The following CDH5 variants were observed in gnomAD, a reference collection of about 807,000 sequenced individuals.
The protein encoded by CDH5 is cadherin 5.
Under a neutral mutation model 62.0 loss-of-function variants are expected in CDH5, and 28 were observed. The observed-to-expected ratio is 0.45, with a 90% CI of 0.33 to 0.62. The LOEUF is 0.62. CDH5 is among the 20% of genes least tolerant of loss of function. The probability of loss-of-function intolerance (pLI) is 0.02; values close to 1 mark genes in which losing one functional copy is unlikely to be tolerated. For synonymous variants in CDH5, 464 were observed against 445.8 expected (o/e 1.04, Z -0.52); for missense variants, 940 against 1,065.1 (o/e 0.88, Z 1.63).
intron 2 of CDH5, among the ~76,000 whole-genome samples, chr16:66,384,661 CA>C (rs10630303): frequency 8.1e-4 from 82 of 101,598 alleles, no homozygotes; most frequent in African/African-American, 1.6e-3. Flanking sequence ...GTACCTGTCT[CA>C]AAAAAAAAAA....
rs1960849262 is a variant in CDH5 at position 66,379,561 on chromosome 16, C to A, written c.210+14C>A. On this transcript the variant is annotated intron_variant, in intron 2 of 11. Transcript: ENST00000341529. ...CATGTAGGCAAGGTAAGGCTCAAGC[C>A]CCAGGACAGGAGAAGCCATCAGCAG... 1 of 1,612,406 alleles carries A rather than the reference C, an allele frequency of 6.2e-7. No individual in the cohort carries two copies. The highest frequency in any genetic ancestry group is 1.1e-5 in the South Asian group (1 of 91,002).
intron 2 of CDH5, among the ~76,000 whole-genome samples, chr16:66,382,673 C>T (rs1960918078): frequency 6.6e-6 from 1 of 152,182 alleles, no homozygotes; most frequent in South Asian, 2.1e-4. Context: ...CATTTGCCAA[C>T]AGCATTCACT....
intron 2 of CDH5, among the ~76,000 whole-genome samples, chr16:66,382,060 G>T (rs1397735206): frequency 6.6e-6 from 1 of 152,248 alleles, no homozygotes; most frequent in African/African-American, 2.4e-5. Flanking sequence ...CATGGCACCA[G>T]AAATGCCCCA....
intron 2 of CDH5, among the ~76,000 whole-genome samples, chr16:66,384,648 G>A (rs1036610238): frequency 7.4e-5 from 10 of 135,832 alleles, no homozygotes; most frequent in Admixed American, 1.6e-4. Context: ...CAGCTACTCC[G>A]GAGTACCTGT....
chr16:66,389,768 T>C (rs1299353900), intron 5 of CDH5, among the ~76,000 whole-genome samples: 1 of 152,152 alleles, frequency 6.6e-6, no homozygotes, highest in African/African-American at 2.4e-5. Flanking sequence ...TCCCACTCCC[T>C]GCTGGGTGCC....
chr16:66,401,165 A>G (rs934439723), intron 11 of CDH5, 149 bp downstream of exon 11: 27 of 1,038,540 alleles, frequency 2.6e-5, no homozygotes, highest in Non-Finnish European at 3.2e-5. Context: ...TAGCCAGTTC[A>G]TGTGCAGGAT....
intron 2 of CDH5, among the ~76,000 whole-genome samples, chr16:66,384,962 AAAAC>A (rs4036983): frequency 6.6e-6 from 1 of 151,688 alleles, no homozygotes; most frequent in East Asian, 2.0e-4. Flanking sequence ...CTAAACTCAA[AAAAC>A]AAACAAACAA....
chr16:66,393,852 G>A (rs1402139282), intron 7 of CDH5, among the ~76,000 whole-genome samples: 1 of 152,104 alleles, frequency 6.6e-6, no homozygotes, highest in Non-Finnish European at 1.5e-5. Flanking sequence ...TGTTTCAAGG[G>A]TATTAAGTCT....
In CDH5 at chr16:66,399,003, GTCAGC is replaced by G. The variant is rs766380489; in HGVS notation, c.1591+447_1591+451del. ...CAGAACAGATGTGAGGATGCAGGCAGTCAGCTCAGTTCAAGAACTAGCCAAGGAGT... is the reference window on the plus strand; with the variant it reads ...CAGAACAGATGTGAGGATGCAGGCAGTCAGTTCAAGAACTAGCCAAGGAGT... On this transcript the variant is annotated intron_variant, in intron 10 of 11. Coordinates refer to ENST00000341529, the MANE Select transcript of CDH5 (RefSeq NM_001795.5). Among the ~76,000 whole-genome samples the G allele has an allele frequency of 5.9e-5, 9 of 152,310 alleles. No individual in the cohort carries two copies. The East Asian group carries it at 7.7e-4, about 13-fold the overall frequency.
rs761573733 is a variant in CDH5 at position 66,386,937 on chromosome 16, C to T, written c.339C>T (p.Ile113=). ...FAIERLDREN[I]SEYHLTAVIV... ...TTGAGAGGCTGGACCGGGAGAATAT[C>T]TCAGAGTACCACCTCACTGCTGTCA... The change falls in exon 3 of 12, where the codon ATC becomes ATT. Residue 113 remains isoleucine (I), a synonymous_variant. Coordinates refer to ENST00000341529, the MANE Select transcript of CDH5 (RefSeq NM_001795.5). 6 of 1,614,244 alleles carry T rather than the reference C, an allele frequency of 3.7e-6. No homozygotes were observed. The highest frequency in any genetic ancestry group is 5.1e-6 in the Non-Finnish European group (6 of 1,180,058).
chr16:66,379,038 A>G (rs555503442), intron 1 of CDH5, among the ~76,000 whole-genome samples: 1 of 152,352 alleles, frequency 6.6e-6, no homozygotes, highest in East Asian at 1.9e-4. Context: ...AGCAGAAGGC[A>G]GCTGTTCTAC....
intron 6 of CDH5, 73 bp downstream of exon 6, chr16:66,390,663 A>G: frequency 7.0e-7 from 1 of 1,422,880 alleles, no homozygotes; most frequent in African/African-American, 1.4e-5. Context: ...CTGCTTGGGG[A>G]TTGCTCCTGG....
At position 66,403,366 on chromosome 16, in the gene CDH5, G is replaced by A; in HGVS notation, c.*197G>A. ...ATATCCAGGAATATATGTCAGTGAT[G>A]ACTATTCTCAAATGCTGGCAAATCC... On this transcript the variant is annotated 3_prime_UTR_variant, in exon 12 of 12. Coordinates refer to ENST00000341529, the MANE Select transcript of CDH5 (RefSeq NM_001795.5). The surrounding 1 kb of genome is among the most constrained non-coding windows in gnomAD (Gnocchi z 4.3). 3.4e-6 allele frequency: 2 copies of A among 595,700 alleles called. No homozygotes were observed. Among genetic ancestry groups the A allele is most frequent in the Non-Finnish European group, 6.0e-6 (2 of 336,024 alleles). The allele number at this position is 595,700 out of a possible 1,614,324, so 36.9% of individuals were successfully genotyped here.
At chr16:66,386,781 C>A in intron 2 of CDH5, 28 bp from the exon 3 acceptor site, 1 of 1,563,326 alleles carries the variant, frequency 6.4e-7, no homozygotes, top group Non-Finnish European at 8.7e-7. Flanking sequence ...CCGCCCATTC[C>A]CAGCTCACGT....
In CDH5 at chr16:66,392,132, G is replaced by C. The variant is rs764435327; in HGVS notation, c.970-4G>C. 4.3e-6 allele frequency: 7 copies of C among 1,613,792 alleles called. No individual in the cohort carries two copies. Among genetic ancestry groups the C allele is most frequent in the South Asian group, 2.2e-5 (2 of 91,058 alleles). ...GGCACTCACCATCCTTTTTCCTTAC[G>C]CAGCCTCTGGATTATGAATACATCC... On this transcript the variant is annotated splice_region_variant and splice_polypyrimidine_tract_variant and intron_variant, in intron 6 of 11. Coordinates refer to ENST00000341529, the MANE Select transcript of CDH5 (RefSeq NM_001795.5).
chr16:66,374,484 G>A (rs1405783233), intron 1 of CDH5, among the ~76,000 whole-genome samples: 2 of 152,202 alleles, frequency 1.3e-5, no homozygotes, highest in African/African-American at 2.4e-5. Flanking sequence ...GTGCTCCAAG[G>A]GACTTCTCTC....
chr16:66,392,791 A>T, intron 7 of CDH5: 1 of 190,998 alleles, frequency 5.2e-6, no homozygotes, highest in East Asian at 1.4e-4. Flanking sequence ...TTCATTTTAT[A>T]CAGTGAAACA....
chr16:66,380,699 AG>A (rs1960882525), intron 2 of CDH5, among the ~76,000 whole-genome samples: 1 of 149,696 alleles, frequency 6.7e-6, no homozygotes, highest in African/African-American at 2.5e-5. Context: ...GATGGTGGTG[AG>A]GTTGGGGAAG....
intron 7 of CDH5, 179 bp downstream of exon 7, chr16:66,392,562 C>G: frequency 1.3e-6 from 1 of 741,536 alleles, no homozygotes; most frequent in South Asian, 1.9e-5. Flanking sequence ...GGCATCTTGA[C>G]CTGCCTGGAC....
Sources: gnomAD v4.1 joint callset for allele counts (sites outside exome capture counted in the v4.1 genomes callset) on GRCh38, gnomAD v4.1.1 for gene constraint, Gnocchi (gnomAD v3.1) non-coding constraint, MANE v1.5 for transcripts, NCBI Gene and HGNC (gene_info 2026-07-23, HGNC 2026-07-21) for gene names.